Variants in FAM227B observed in about 807,000 individuals in gnomAD.
FAM227B encodes the protein protein FAM227B.
FAM227B carries 88 observed loss-of-function variants against 73.8 expected under a neutral mutation model. That is an observed-to-expected ratio of 1.19 (90% confidence interval 1.00 to 1.42). The LOEUF (loss-of-function observed/expected upper bound fraction) is 1.42, where lower values mean the gene tolerates loss of function less well. Among genes scored for constraint, FAM227B ranks in the 40% most tolerant of loss-of-function variants. The probability of loss-of-function intolerance (pLI) is 0.00; values close to 1 mark genes in which losing one functional copy is unlikely to be tolerated. For synonymous variants in FAM227B, 210 were observed against 190.5 expected, an observed-to-expected ratio of 1.10 and a Z score of -0.84; for missense variants, 632 against 590.9, an observed-to-expected ratio of 1.07 and a Z score of -0.72.
chr15:49,337,507 ACTT>A (rs2039942353), intron 13 of FAM227B, among the ~76,000 whole-genome samples: 2 of 22,990 alleles, frequency 8.7e-5, no homozygotes, highest in South Asian at 2.5e-3. Context: ...TCATTTACCC[ACTT>A]TTTTTTTTTT....
intron 11 of FAM227B, among the ~76,000 whole-genome samples, chr15:49,439,168 G>A (rs184088847): frequency 2.0e-5 from 3 of 151,606 alleles, no homozygotes; most frequent in Admixed American, 2.0e-4. Context: ...TTTCTATCAG[G>A]CTGTTGGCCG....
intron 3 of FAM227B, among the ~76,000 whole-genome samples, chr15:49,594,501 C>T (rs1022644693): frequency 6.6e-6 from 1 of 152,084 alleles, no homozygotes. Flanking sequence ...GTCTTTGCCT[C>T]TGCCAATGTC....
intron 10 of FAM227B, among the ~76,000 whole-genome samples, chr15:49,537,198 T>A (rs1436300521): frequency 6.6e-6 from 1 of 152,086 alleles, no homozygotes; most frequent in Admixed American, 6.6e-5. Context: ...ATATCTATAA[T>A]TTATAAAGAA....
intron 11 of FAM227B, chr15:49,486,941 C>T (rs1312147514): frequency 6.6e-6 from 1 of 151,866 alleles, no homozygotes; most frequent in Admixed American, 6.6e-5. Context: ...TTTGATACAC[C>T]TAAGGTCACG....
chr15:49,348,019 C>CAAAA (rs67614443), intron 13 of FAM227B, among the ~76,000 whole-genome samples: 9 of 70,084 alleles, frequency 1.3e-4, no homozygotes, highest in African/African-American at 2.8e-4. Context: ...AACTCTGTCT[C>CAAAA]AAAAAAAAAA....
At chr15:49,401,238 A>G (rs908796826) in intron 11 of FAM227B, among the ~76,000 whole-genome samples, 4 of 152,272 alleles carry the variant, frequency 2.6e-5, no homozygotes, top group Non-Finnish European at 4.4e-5. Flanking sequence ...CAGCCAAAAA[A>G]CACATGAAAA....
At chr15:49,348,019 CAAAAAAAA>C (rs67614443) in intron 13 of FAM227B, among the ~76,000 whole-genome samples, 2 of 70,100 alleles carry the variant, frequency 2.9e-5, no homozygotes, top group African/African-American at 1.1e-4. Flanking sequence ...AACTCTGTCT[CAAAAAAAA>C]AAAAAAAAAA....
chr15:49,523,891 G>C (rs2413962), intron 10 of FAM227B, among the ~76,000 whole-genome samples: 6 of 152,110 alleles, frequency 3.9e-5, no homozygotes, highest in African/African-American at 1.4e-4. Flanking sequence ...CTAGAGATCT[G>C]TGGAACTTCG....
chr15:49,398,053 A>C (rs999806862), intron 11 of FAM227B, among the ~76,000 whole-genome samples: 13 of 152,208 alleles, frequency 8.5e-5, no homozygotes, highest in Non-Finnish European at 1.9e-4. Context: ...ACAGACTGGC[A>C]AATTGGATAA....
chr15:49,329,265 T>A (rs986661907), intron 15 of FAM227B: 3 of 985,500 alleles, frequency 3.0e-6, no homozygotes, highest in Admixed American at 6.1e-5. Flanking sequence ...CAGAAATGTT[T>A]GGCTGGTGAT....
At chr15:49,592,219 G>A (rs116451614) in intron 3 of FAM227B, among the ~76,000 whole-genome samples, 3,082 of 152,076 alleles carry the variant, frequency 0.02, 108 homozygotes, top group African/African-American at 0.071. Context: ...TGCTGGCAAG[G>A]GGCTGAGATC....
chr15:49,344,662 G>A (rs1038879216), intron 13 of FAM227B, among the ~76,000 whole-genome samples: 1 of 152,138 alleles, frequency 6.6e-6, no homozygotes, highest in African/African-American at 2.4e-5. Context: ...TAGAGGTGGT[G>A]GTCCTGCTCA....
chr15:49,556,642 A>G (rs1466603339), intron 9 of FAM227B, among the ~76,000 whole-genome samples: 1 of 150,632 alleles, frequency 6.6e-6, no homozygotes, highest in Non-Finnish European at 1.5e-5. Context: ...CAACCATGGA[A>G]AGGCTGGACC....
At chr15:49,601,127 G>A (rs930627890) in intron 3 of FAM227B, among the ~76,000 whole-genome samples, 5 of 147,770 alleles carry the variant, frequency 3.4e-5, no homozygotes, top group South Asian at 2.2e-4. Context: ...CAGTAATTGC[G>A]GTTTTTGCCA....
At chr15:49,487,145 C>G (rs1265796171) in intron 11 of FAM227B, 1 of 151,822 alleles carries the variant, frequency 6.6e-6, no homozygotes, top group Non-Finnish European at 1.5e-5. Flanking sequence ...AATGACTAAT[C>G]TATACTGTGA....
At chr15:49,371,759 A>AAATGAAATAAAATTCACTTATAAATC (rs1567171902) in intron 11 of FAM227B, among the ~76,000 whole-genome samples, 5 of 148,212 alleles carry the variant, frequency 3.4e-5, no homozygotes, top group Admixed American at 6.8e-5. Flanking sequence ...ACTTATAAAT[A>AAATGAAATAAAATTCACTTATAAATC]AATGAAATAA....
chr15:49,490,743 A>G (rs995231483), intron 11 of FAM227B, among the ~76,000 whole-genome samples: 4 of 151,974 alleles, frequency 2.6e-5, no homozygotes, highest in African/African-American at 7.2e-5. Context: ...TATTTAGGGC[A>G]TGTACATATC....
chr15:49,479,525 A>C (rs1185033695), intron 11 of FAM227B, among the ~76,000 whole-genome samples: 1 of 134,470 alleles, frequency 7.4e-6, no homozygotes, highest in Admixed American at 7.5e-5. Context: ...CATATTACAT[A>C]TTTTTCTATT....
intron 13 of FAM227B, among the ~76,000 whole-genome samples, chr15:49,366,865 T>C (rs971450705): frequency 2.6e-5 from 4 of 152,174 alleles, no homozygotes; most frequent in African/African-American, 9.7e-5. Flanking sequence ...CTAATTCCTT[T>C]GGGATTCATC....
Sources: gnomAD v4.1 joint callset for allele counts (sites outside exome capture counted in the v4.1 genomes callset) on GRCh38, gnomAD v4.1.1 for gene constraint, MANE v1.5 for transcripts, NCBI Gene and HGNC (gene_info 2026-07-23, HGNC 2026-07-21) for gene names.